The following UBE2E2 variants were observed in gnomAD, a reference collection of about 807,000 sequenced individuals.
UBE2E2 encodes ubiquitin conjugating enzyme E2 E2.
UBE2E2 carries 6 observed loss-of-function variants against 24.7 expected under a neutral mutation model. That is an observed-to-expected ratio of 0.24 (90% CI 0.13 to 0.48). The LOEUF is 0.48. Ranked by LOEUF, UBE2E2 falls within the 20% of genes least tolerant of loss-of-function variation. The probability of loss-of-function intolerance (pLI) is 0.99; values close to 1 mark genes in which losing one functional copy is unlikely to be tolerated. For missense variants in UBE2E2, 169 were observed against 245.0 expected (o/e 0.69, Z 2.07); for synonymous variants, 104 against 83.6 (o/e 1.24, Z -1.33).
At chr3:23,275,263 A>G (rs1477873064) in intron 3 of UBE2E2, among the ~76,000 whole-genome samples, 2 of 152,222 alleles carry the variant, frequency 1.3e-5, no homozygotes, top group Non-Finnish European at 2.9e-5. Flanking sequence ...TTATCTTTGT[A>G]TAAACATCTC....
At chr3:23,261,120 A>T (rs1451474203) in intron 3 of UBE2E2, among the ~76,000 whole-genome samples, 1 of 152,092 alleles carries the variant, frequency 6.6e-6, no homozygotes, top group African/African-American at 2.4e-5. Flanking sequence ...TTAAAAAGGA[A>T]AAAAAGAAAA....
At chr3:23,396,245 A>C (rs2125365859) in intron 3 of UBE2E2, among the ~76,000 whole-genome samples, 1 of 149,564 alleles carries the variant, frequency 6.7e-6, no homozygotes, top group Non-Finnish European at 1.5e-5. Flanking sequence ...TGGATTTAAA[A>C]TTTGGGATTT....
chr3:23,453,946 C>G (rs780741685), intron 3 of UBE2E2, among the ~76,000 whole-genome samples: 1 of 152,080 alleles, frequency 6.6e-6, no homozygotes, highest in East Asian at 1.9e-4. Context: ...AGAATGTCTG[C>G]TATAAAATAA....
chr3:23,565,444 CTTTTTTTTTTTTT>C (rs574461544), intron 5 of UBE2E2, among the ~76,000 whole-genome samples: 8 of 46,246 alleles, frequency 1.7e-4, no homozygotes, highest in African/African-American at 6.6e-4. Context: ...ATAGGCATGG[CTTTTTTTTTTTTT>C]TTTTTTTTTT....
chr3:23,438,961 T>C (rs972467245), intron 3 of UBE2E2, among the ~76,000 whole-genome samples: 4 of 152,216 alleles, frequency 2.6e-5, no homozygotes, highest in Non-Finnish European at 4.4e-5. Context: ...CTCAACACAC[T>C]ACATAATGGT....
chr3:23,214,240 C>T (rs146824682), intron 2 of UBE2E2, among the ~76,000 whole-genome samples: 1 of 152,144 alleles, frequency 6.6e-6, no homozygotes, highest in East Asian at 1.9e-4. Flanking sequence ...AATTATATGA[C>T]AGAAAATTAT....
intron 3 of UBE2E2, among the ~76,000 whole-genome samples, chr3:23,344,609 G>C (rs1464652488): frequency 2.6e-5 from 4 of 151,988 alleles, no homozygotes; most frequent in Non-Finnish European, 5.9e-5. Flanking sequence ...ATGTTAATGA[G>C]AGCATGGGTG....
chr3:23,499,940 G>GT (rs1025348188), intron 4 of UBE2E2, among the ~76,000 whole-genome samples, 200 bp downstream of exon 4: 6 of 151,882 alleles, frequency 4.0e-5, no homozygotes, highest in South Asian at 4.2e-4. Context: ...TGATTTCATT[G>GT]TTTTTTTTCT....
chr3:23,315,594 C>T (rs1694551680), intron 3 of UBE2E2, among the ~76,000 whole-genome samples: 2 of 152,052 alleles, frequency 1.3e-5, no homozygotes, highest in Admixed American at 6.5e-5. Flanking sequence ...TCTGCCTCTC[C>T]GAGATTGGTC....
intron 3 of UBE2E2, among the ~76,000 whole-genome samples, chr3:23,433,714 G>A (rs1249848901): frequency 6.6e-6 from 1 of 151,680 alleles, no homozygotes; most frequent in East Asian, 1.9e-4. Context: ...CCAAGCTATG[G>A]CCTAAGAGAA....
At chr3:23,340,434 C>T (rs1695349081) in intron 3 of UBE2E2, among the ~76,000 whole-genome samples, 1 of 151,928 alleles carries the variant, frequency 6.6e-6, no homozygotes, top group Admixed American at 6.6e-5. Flanking sequence ...GAAATCTGAA[C>T]AGTTGATGAT....
rs76435632 is a variant in UBE2E2, at chr3:23,590,683, C to G, written c.*852C>G. The G allele has an allele frequency of 0.03, 4,609 of 152,500 alleles. 121 individuals are homozygous for G. Among genetic ancestry groups the G allele is most frequent in the East Asian group, 0.14 (718 of 5,186 alleles). The allele number at this position is 152,500 out of a possible 1,614,324, so 9.4% of individuals were successfully genotyped here. A position where few individuals can be genotyped will look rare whatever the true frequency, so the allele number is the denominator to read the frequency against. ...TTACAGGTTCAAGTGTATTTTTCAT[C>G]TCAAACCTCTAATATTTCTTTGGAG... On this transcript the variant is annotated 3_prime_UTR_variant, in exon 6 of 6. Transcript: ENST00000396703.
intron 3 of UBE2E2, among the ~76,000 whole-genome samples, chr3:23,275,011 A>G (rs1698346157): frequency 1.3e-5 from 2 of 152,184 alleles, no homozygotes; most frequent in Non-Finnish European, 2.9e-5. Flanking sequence ...TTTTTGAGGA[A>G]GTTGTTATCA....
At chr3:23,222,209 A>G (rs1370437712) in intron 3 of UBE2E2, among the ~76,000 whole-genome samples, 2 of 152,144 alleles carry the variant, frequency 1.3e-5, no homozygotes, top group Admixed American at 6.5e-5. Flanking sequence ...TAAATATTCC[A>G]TTGTGTGTAT....
chr3:23,568,358 A>C (rs958083256), intron 5 of UBE2E2, among the ~76,000 whole-genome samples: 1 of 152,154 alleles, frequency 6.6e-6, no homozygotes. Flanking sequence ...GGTGGACTAC[A>C]TGTGAGGATT....
At chr3:23,382,970 C>T (rs1157304472) in intron 3 of UBE2E2, among the ~76,000 whole-genome samples, 1 of 151,880 alleles carries the variant, frequency 6.6e-6, no homozygotes, top group African/African-American at 2.4e-5. Flanking sequence ...TTGTAATGTA[C>T]GTTAAGGAGC....
intron 3 of UBE2E2, among the ~76,000 whole-genome samples, chr3:23,300,716 A>G (rs1389624293): frequency 2.0e-5 from 3 of 151,748 alleles, no homozygotes; most frequent in African/African-American, 7.3e-5. Context: ...TGCCCTTAAC[A>G]TTTTTTCCTT....
At chr3:23,380,103 A>AAT (rs1696629808) in intron 3 of UBE2E2, among the ~76,000 whole-genome samples, 1 of 149,116 alleles carries the variant, frequency 6.7e-6, no homozygotes, top group Admixed American at 6.6e-5. Flanking sequence ...AAAAAAAAAA[A>AAT]ACCCTGAAAT....
intron 3 of UBE2E2, among the ~76,000 whole-genome samples, chr3:23,320,034 C>G (rs1694702689): frequency 6.6e-6 from 1 of 152,138 alleles, no homozygotes; most frequent in Admixed American, 6.5e-5. Context: ...GTCACACACC[C>G]ACTGCAGCCA....
Sources: allele counts gnomAD v4.1 joint callset (sites outside exome capture counted in the v4.1 genomes callset), GRCh38; gene constraint gnomAD v4.1.1; transcripts MANE v1.5; gene names NCBI Gene and HGNC (gene_info 2026-07-23, HGNC 2026-07-21).